Variants in ATXN2 observed in about 807,000 individuals in gnomAD.
The protein encoded by ATXN2 is ataxin 2.
ATXN2 carries 37 observed loss-of-function variants against 138.6 expected under a neutral mutation model. The observed-to-expected ratio is 0.27, with a 90% CI of 0.21 to 0.35. The LOEUF (loss-of-function observed/expected upper bound fraction) is 0.35. Ranked by LOEUF, ATXN2 falls within the 10% of genes least tolerant of loss-of-function variation. The probability of loss-of-function intolerance (pLI) is 1.00; values close to 1 mark genes in which losing one functional copy is unlikely to be tolerated. For synonymous variants in ATXN2, 549 were observed against 543.7 expected (o/e 1.01, Z -0.13); for missense variants, 1,216 against 1,480.3 (o/e 0.82, Z 2.93).
rs756316577 is a variant in ATXN2 at position 111,485,770 on chromosome 12, C to G, written c.2400G>C (p.Gln800His). 8.1e-6 allele frequency: 13 copies of G among 1,613,966 alleles called. No individual in the cohort carries two copies. Among genetic ancestry groups the G allele is most frequent in the Middle Eastern group, 1.6e-4 (1 of 6,084 alleles). ...TCATATTTGGTGCAAAACAAACAGGCTGAGTATAAACTGGAGTTGGCTGTT... is the reference window on the plus strand; with the variant it reads ...TCATATTTGGTGCAAAACAAACAGGGTGAGTATAAACTGGAGTTGGCTGTT... The part of the protein sequence containing the change: ...GHQQPTPVYT[Q>H]PVCFAPNMMY... The change falls in exon 17 of 25, where the codon CAG (glutamine) becomes CAC (histidine). Residue 800 changes from glutamine to histidine, a missense_variant. Physicochemically the swap from Gln to His is conservative, Grantham distance 24 (BLOSUM62 0). Around this residue, in one of 4 missense-constraint regions of ATXN2, gnomAD observed 490 missense variants for 653.5 expected, o/e 0.75. Coordinates refer to ENST00000673436, the MANE Select transcript of ATXN2 (RefSeq NM_001372574.1).
At chr12:111,570,814 C>A (rs1427642485) in intron 1 of ATXN2, among the ~76,000 whole-genome samples, 1 of 152,210 alleles carries the variant, frequency 6.6e-6, no homozygotes, top group Admixed American at 6.5e-5. Flanking sequence ...TTTCATTCAT[C>A]TTTGTCTCTG....
chr12:111,483,236 CACAAA>C (rs1877386108), intron 18 of ATXN2, among the ~76,000 whole-genome samples: 1 of 148,582 alleles, frequency 6.7e-6, no homozygotes, highest in African/African-American at 2.5e-5. Context: ...CACACACACA[CACAAA>C]ACACCCAAAA....
At chr12:111,566,047 T>C (rs556546737) in intron 1 of ATXN2, among the ~76,000 whole-genome samples, 1 of 151,726 alleles carries the variant, frequency 6.6e-6, no homozygotes, top group Non-Finnish European at 1.5e-5. Flanking sequence ...GATGGGAATG[T>C]ACAAGGACAT....
chr12:111,579,395 T>C (rs1163002070), intron 1 of ATXN2, among the ~76,000 whole-genome samples: 1 of 152,060 alleles, frequency 6.6e-6, no homozygotes, highest in Non-Finnish European at 1.5e-5. Flanking sequence ...CCTGAGTAGC[T>C]AGGATTACAG....
At chr12:111,465,161 A>T (rs1156236315) in intron 20 of ATXN2, among the ~76,000 whole-genome samples, 1 of 152,234 alleles carries the variant, frequency 6.6e-6, no homozygotes, top group Non-Finnish European at 1.5e-5. Flanking sequence ...GAATATAAAC[A>T]TGAATATTAT....
intron 1 of ATXN2, among the ~76,000 whole-genome samples, chr12:111,559,475 T>C (rs1882558802): frequency 6.6e-6 from 1 of 151,268 alleles, no homozygotes; most frequent in African/African-American, 2.4e-5. Context: ...TTAAAATACA[T>C]ATAAAAGCAA....
chr12:111,552,326 A>C lies in ATXN2; in HGVS notation c.525T>G (p.Phe175Leu). 2.5e-6 allele frequency: 4 copies of C among 1,613,466 alleles called. No individual in the cohort carries two copies. Among genetic ancestry groups the C allele is most frequent in the Non-Finnish European group, 3.4e-6 (4 of 1,179,774 alleles). The change falls in exon 5 of 25, where the codon TTT becomes TTG. Residue 175 changes from phenylalanine to leucine, a missense_variant. Physicochemically the swap from Phe to Leu is conservative, Grantham distance 22 (BLOSUM62 0). This residue lies in a region of ATXN2 where 401 missense variants were observed against 528.1 expected (regional missense o/e 0.76). Transcript: ENST00000673436. This position sits in a 1 kb window ranked among gnomAD's most constrained non-coding sequence, Gnocchi z 4.1. ...MESILFKCSD[F>L]VVVQFKDMDS... ...CCATATCTTTAAACTGTACCACAAC[A>C]AAGTCTGAACATTTGAACAAAATAC...
chr12:111,553,941 T>C (rs1391542452), intron 3 of ATXN2, among the ~76,000 whole-genome samples: 4 of 152,090 alleles, frequency 2.6e-5, no homozygotes, highest in Non-Finnish European at 5.9e-5. Flanking sequence ...GCTGAATCCA[T>C]GAATATGGAA....
intron 1 of ATXN2, among the ~76,000 whole-genome samples, chr12:111,573,200 A>T (rs1883439378): frequency 6.6e-6 from 1 of 151,714 alleles, no homozygotes; most frequent in African/African-American, 2.4e-5. Context: ...TTATTTATTT[A>T]TTTATTTTTT....
In ATXN2 at chr12:111,464,335, TTGTG is replaced by T. The variant is rs375641693; in HGVS notation, c.2896+323_2896+326del. Among the ~76,000 whole-genome samples the T allele has an allele frequency of 4.6e-3, 483 of 105,800 alleles. 1 individual carries two copies. The highest frequency in any genetic ancestry group is 0.02 in the East Asian group (78 of 3,812). The allele number at this position is 105,800 out of a possible 152,430, so 69.4% of individuals were successfully genotyped here. On this transcript the variant is annotated intron_variant, in intron 21 of 24. Transcript: ENST00000673436. ...AAGCTTGTGGCTTGGGTGTGTGTGT[TTGTG>T]TGTGTGTGTGTGTGTGTGTGTGTGT... is the stretch of plus-strand genomic sequence containing the variant.
At chr12:111,499,136 G>A (rs1352208519) in intron 14 of ATXN2, among the ~76,000 whole-genome samples, 1 of 151,968 alleles carries the variant, frequency 6.6e-6, no homozygotes, top group Non-Finnish European at 1.5e-5. Flanking sequence ...CATTACTCTG[G>A]GCAAAGATTT....
At chr12:111,569,976 C>T (rs1316868048) in intron 1 of ATXN2, among the ~76,000 whole-genome samples, 1 of 152,112 alleles carries the variant, frequency 6.6e-6, no homozygotes, top group African/African-American at 2.4e-5. Context: ...AGCCATTAGG[C>T]ACATGTGGCA....
chr12:111,552,456 C>T lies in ATXN2; in HGVS notation c.421-26G>A, dbSNP rs2135785988. On this transcript the variant is annotated intron_variant, in intron 4 of 24. Transcript: ENST00000673436. This position sits in a 1 kb window ranked among gnomAD's most constrained non-coding sequence, Gnocchi z 4.1. ...CTAAAATGAAAAACACAAGTAAGTA[C>T]TCCAAACCTTTACAAAATAAAATTT... 2 of 1,583,304 alleles carry T rather than the reference C, an allele frequency of 1.3e-6. No homozygotes were observed. The highest frequency in any genetic ancestry group is 8.5e-7 in the Non-Finnish European group (1 of 1,170,052).
intron 14 of ATXN2, among the ~76,000 whole-genome samples, chr12:111,506,902 G>A (rs897410944): frequency 6.6e-6 from 1 of 152,162 alleles, no homozygotes; most frequent in African/African-American, 2.4e-5. Flanking sequence ...CTAACCGCGA[G>A]TGATCTGCCA....
intron 14 of ATXN2, among the ~76,000 whole-genome samples, chr12:111,492,283 CACA>C (rs1878084243): frequency 6.6e-6 from 1 of 152,214 alleles, no homozygotes; most frequent in Non-Finnish European, 1.5e-5. Context: ...TCTACAGAGT[CACA>C]ACATTACTAG....
chr12:111,512,375 G>C (rs1374680751), intron 11 of ATXN2: 1 of 151,696 alleles, frequency 6.6e-6, no homozygotes, highest in African/African-American at 2.4e-5. Flanking sequence ...TGGGAACAAA[G>C]CACTAAGGAC....
At chr12:111,544,907 C>A (rs563422661) in intron 5 of ATXN2, among the ~76,000 whole-genome samples, 2 of 152,180 alleles carry the variant, frequency 1.3e-5, no homozygotes, top group African/African-American at 4.8e-5. Flanking sequence ...TGCCTGTAAT[C>A]CCAGCACTTT....
At chr12:111,495,958 A>C (rs1386060612) in intron 14 of ATXN2, among the ~76,000 whole-genome samples, 1 of 149,796 alleles carries the variant, frequency 6.7e-6, no homozygotes, top group Non-Finnish European at 1.5e-5. Flanking sequence ...ACCCTGGGAC[A>C]CATCGCAAAG....
chr12:111,545,596 G>A (rs1420660777), intron 5 of ATXN2, among the ~76,000 whole-genome samples: 1 of 151,800 alleles, frequency 6.6e-6, no homozygotes, highest in Non-Finnish European at 1.5e-5. Context: ...GAACAAGGAG[G>A]TAAGTAGAAG....
Sources: gnomAD v4.1 joint callset for allele counts (sites outside exome capture counted in the v4.1 genomes callset) on GRCh38, gnomAD v4.1.1 for gene constraint, gnomAD v4.1.1 regional missense constraint, Gnocchi (gnomAD v3.1) non-coding constraint, MANE v1.5 for transcripts, NCBI Gene and HGNC (gene_info 2026-07-23, HGNC 2026-07-21) for gene names.